The following KIAA1217 variants were observed in gnomAD, a reference collection of about 807,000 sequenced individuals.
The protein encoded by KIAA1217 is sickle tail protein homolog.
In KIAA1217, 88 loss-of-function variants were observed where a neutral mutation model predicts 163.9. The ratio of observed to expected loss-of-function variants is 0.54; its 90% CI spans 0.45 to 0.64. KIAA1217 has a LOEUF of 0.64. Ranked by LOEUF, KIAA1217 falls within the 30% of genes least tolerant of loss-of-function variation. The probability of loss-of-function intolerance (pLI) is 0.00; values close to 1 mark genes in which losing one functional copy is unlikely to be tolerated. For missense variants in KIAA1217, 2,372 were observed against 2,475.0 expected (o/e 0.96, Z 0.88); for synonymous variants, 903 against 923.1 (o/e 0.98, Z 0.39).
chr10:23,844,099 C>T (rs11013746), intron 1 of KIAA1217, among the ~76,000 whole-genome samples: 26,571 of 151,996 alleles, frequency 0.17, 7,276 homozygotes, highest in African/African-American at 0.58. Context: ...TAAATATTTT[C>T]AACCAATCTT....
At chr10:24,440,015 G>A (rs2060359631) in intron 5 of KIAA1217, among the ~76,000 whole-genome samples, 1 of 152,358 alleles carries the variant, frequency 6.6e-6, no homozygotes, top group Admixed American at 6.5e-5. Flanking sequence ...CTAGCTGAAA[G>A]TGCTGGGAGA....
chr10:23,721,041 G>A (rs1381421372), intron 1 of KIAA1217, among the ~76,000 whole-genome samples: 1 of 152,134 alleles, frequency 6.6e-6, no homozygotes, highest in Non-Finnish European at 1.5e-5. Flanking sequence ...ACCCAATTCT[G>A]TAGAGGCTTT....
intron 1 of KIAA1217, among the ~76,000 whole-genome samples, chr10:23,986,545 G>C (rs12259736): frequency 0.032 from 4,628 of 144,808 alleles, 221 homozygotes; most frequent in African/African-American, 0.11. Flanking sequence ...TATTGGTTTA[G>C]TTGTATTATT....
intron 2 of KIAA1217, among the ~76,000 whole-genome samples, chr10:24,232,478 G>A (rs184956272): frequency 1.3e-5 from 2 of 152,232 alleles, no homozygotes; most frequent in East Asian, 3.9e-4. Flanking sequence ...AACCTGCTAA[G>A]GAGTGCCCGG....
chr10:24,160,713 A>G (rs1313737990), intron 2 of KIAA1217, among the ~76,000 whole-genome samples: 1 of 152,198 alleles, frequency 6.6e-6, no homozygotes, highest in Non-Finnish European at 1.5e-5. Context: ...GCCCAGAAGG[A>G]GCTAACTGTG....
chr10:24,498,473 G>A, intron 8 of KIAA1217, among the ~76,000 whole-genome samples: 1 of 152,112 alleles, frequency 6.6e-6, no homozygotes, highest in Non-Finnish European at 1.5e-5. Context: ...ACCAAATATA[G>A]GAGATTAAGA....
intron 3 of KIAA1217, among the ~76,000 whole-genome samples, chr10:24,420,945 C>T (rs868060326): frequency 6.6e-6 from 1 of 152,152 alleles, no homozygotes; most frequent in African/African-American, 2.4e-5. Context: ...AGTACCCCCT[C>T]TTATTATTAT....
chr10:24,520,137 T>G lies in KIAA1217; in HGVS notation c.2192T>G (p.Phe731Cys). Residue 731 changes from phenylalanine to cysteine, a missense_variant, in exon 11 of 21, where the codon TTT (phenylalanine) becomes TGT (cysteine). Transcript: ENST00000376454. Reference sequence around the variant, plus strand: ...TGCTCCCGCAGCGAGTTGGAAGACTTTGTTGAAGACTTGAAGAAGGACTCC... The same window carrying G: ...TGCTCCCGCAGCGAGTTGGAAGACTGTGTTGAAGACTTGAAGAAGGACTCC... Reference protein sequence around the residue: ...IVKKLCELEDFVEDLKKDSTA... With the variant: ...IVKKLCELEDCVEDLKKDSTA... The G allele has an allele frequency of 3.1e-6, 5 of 1,613,922 alleles. No individual in the cohort carries two copies. Among genetic ancestry groups the G allele is most frequent in the Non-Finnish European group, 4.2e-6 (5 of 1,179,874 alleles).
chr10:24,176,725 C>T (rs1407587528), intron 2 of KIAA1217, among the ~76,000 whole-genome samples: 1 of 152,232 alleles, frequency 6.6e-6, no homozygotes, highest in African/African-American at 2.4e-5. Context: ...TGCCGTGCAC[C>T]CACACTCCTT....
chr10:23,745,728 G>A (rs1042431339), intron 1 of KIAA1217, among the ~76,000 whole-genome samples: 9 of 152,158 alleles, frequency 5.9e-5, no homozygotes, highest in African/African-American at 2.2e-4. Context: ...GTGACCGACA[G>A]GTGTGGAAGT....
chr10:23,932,854 T>C (rs1843313368), intron 1 of KIAA1217, among the ~76,000 whole-genome samples: 1 of 152,162 alleles, frequency 6.6e-6, no homozygotes, highest in African/African-American at 2.4e-5. Context: ...CTTGGGATAA[T>C]AATGAAGCAA....
At chr10:24,495,804 A>G (rs2066713631) in intron 8 of KIAA1217, among the ~76,000 whole-genome samples, 1 of 152,240 alleles carries the variant, frequency 6.6e-6, no homozygotes, top group Non-Finnish European at 1.5e-5. Context: ...AGATGGGAGA[A>G]AAAGGAGTAC....
intron 2 of KIAA1217, among the ~76,000 whole-genome samples, chr10:24,148,980 C>T (rs1396777633): frequency 6.6e-6 from 1 of 152,108 alleles, no homozygotes; most frequent in Non-Finnish European, 1.5e-5. Context: ...TTGTTGACAA[C>T]AGATAAGCTC....
At chr10:24,281,641 A>G (rs2077939045) in intron 2 of KIAA1217, among the ~76,000 whole-genome samples, 1 of 152,190 alleles carries the variant, frequency 6.6e-6, no homozygotes, top group Non-Finnish European at 1.5e-5. Context: ...GTTATTTTGT[A>G]GAATCTCCTT....
At chr10:24,081,813 G>A (rs1037701205) in intron 2 of KIAA1217, among the ~76,000 whole-genome samples, 1 of 152,208 alleles carries the variant, frequency 6.6e-6, no homozygotes, top group Non-Finnish European at 1.5e-5. Context: ...TGGGGACTGA[G>A]GGTTAGACAA....
intron 1 of KIAA1217, among the ~76,000 whole-genome samples, chr10:23,726,979 C>CTTTTTTTTTTTTTTTTTTTTTTTTTTT (rs1012125050): frequency 1.1e-5 from 1 of 93,420 alleles, no homozygotes; most frequent in African/African-American, 4.8e-5. Flanking sequence ...GTATAGGCCT[C>CTTTTTTTTTTTTTTTTTTTTTTTTTTT]TTTTTTTTTT....
At chr10:23,902,129 A>AT (rs895506439) in intron 1 of KIAA1217, among the ~76,000 whole-genome samples, 16 of 152,014 alleles carry the variant, frequency 1.1e-4, no homozygotes, top group African/African-American at 3.9e-4. Flanking sequence ...GCTGGTCTAT[A>AT]TCCCTCTGAC....
At chr10:24,342,762 G>A (rs767758804) in intron 2 of KIAA1217, among the ~76,000 whole-genome samples, 41 of 149,090 alleles carry the variant, frequency 2.8e-4, no homozygotes, top group Non-Finnish European at 4.0e-4. Context: ...AGGTTCAAGC[G>A]ATCCTCCTGC....
At chr10:24,364,908 C>A (rs1447363587) in intron 2 of KIAA1217, among the ~76,000 whole-genome samples, 2 of 151,986 alleles carry the variant, frequency 1.3e-5, no homozygotes, top group Admixed American at 1.3e-4. Context: ...AAGCAGTCCT[C>A]CCCCCTCAGC....
Sources: gnomAD v4.1 joint callset for allele counts (sites outside exome capture counted in the v4.1 genomes callset) on GRCh38, gnomAD v4.1.1 for gene constraint, MANE v1.5 for transcripts, NCBI Gene and HGNC (gene_info 2026-07-23, HGNC 2026-07-21) for gene names.